The following NR2F1 variants were observed in gnomAD, a reference collection of about 807,000 sequenced individuals.
NR2F1 encodes the protein nuclear receptor subfamily 2 group F member 1.
NR2F1 carries 1 observed loss-of-function variant against 37.7 expected under a neutral mutation model. The observed-to-expected ratio is 0.03, with a 90% CI of 0.01 to 0.13. NR2F1 has a LOEUF of 0.13. Ranked by LOEUF, NR2F1 falls within the 10% of genes least tolerant of loss-of-function variation. The probability of loss-of-function intolerance (pLI) is 1.00; values close to 1 mark genes in which losing one functional copy is unlikely to be tolerated. For synonymous variants in NR2F1, 275 were observed against 259.6 expected, an observed-to-expected ratio of 1.06 and a Z score of -0.57; for missense variants, 268 against 578.4, an observed-to-expected ratio of 0.46 and a Z score of 5.50.
chr5:93,591,518 G>A (rs1266373837), intron 2 of NR2F1, among the ~76,000 whole-genome samples: 3 of 152,176 alleles, frequency 2.0e-5, no homozygotes, highest in Non-Finnish European at 4.4e-5. Flanking sequence ...CCAAAGGAGG[G>A]AAGAAATGGA....
chr5:93,588,669 T>TGCGGCCGGCGG (rs1241372269), intron 2 of NR2F1, among the ~76,000 whole-genome samples: 1 of 149,998 alleles, frequency 6.7e-6, no homozygotes, highest in Admixed American at 6.6e-5. Flanking sequence ...GCGGCGCGGG[T>TGCGGCCGGCGG]GCGGCCGGCG....
At position 93,593,961 on chromosome 5, in the gene NR2F1, AG is replaced by A; in HGVS notation, c.*122del. 1.1e-6 allele frequency: 1 copy of A among 949,146 alleles called. No individual in the cohort carries two copies. The highest frequency in any genetic ancestry group is 1.6e-6 in the Non-Finnish European group (1 of 633,748). 58.8% of individuals were successfully genotyped at this position (949,146 alleles called of 1,614,324 possible). A position where few individuals can be genotyped will look rare whatever the true frequency, so the allele number is the denominator to read the frequency against. ...CAGCGGGCCAGGCAGGCTGGGTGGG[AG>A]GGAGGAGGGCCGAGACAGGAGCAGC... On this transcript the variant is annotated 3_prime_UTR_variant, in exon 3 of 3. Transcript: ENST00000327111. This position sits in a 1 kb window ranked among gnomAD's most constrained non-coding sequence, Gnocchi z 5.6.
intron 1 of NR2F1, 55 bp downstream of exon 1, chr5:93,585,541 T>C: frequency 1.4e-6 from 2 of 1,382,214 alleles, no homozygotes; most frequent in South Asian, 2.5e-5. Flanking sequence ...CCCTGGCTCT[T>C]TCTTTCTTTC....
In NR2F1 at chr5:93,593,531, CT is replaced by C. The variant is rs771561858; in HGVS notation, c.992-30del. On this transcript the variant is annotated intron_variant, in intron 2 of 2. Transcript: ENST00000327111. The surrounding 1 kb of genome is among the most constrained non-coding windows in gnomAD (Gnocchi z 5.6). ...CAGCCTAACCGTGTGCTCCCTTTCCCTGTCTCTCCCTCCTGTGGCTGCTTGG... is the reference window on the plus strand; with the variant it reads ...CAGCCTAACCGTGTGCTCCCTTTCCCGTCTCTCCCTCCTGTGGCTGCTTGG... The C allele has an allele frequency of 1.3e-6, 2 of 1,599,690 alleles. No individual in the cohort carries two copies. Among genetic ancestry groups the C allele is most frequent in the Non-Finnish European group, 1.7e-6 (2 of 1,169,604 alleles).
chr5:93,591,587 G>T (rs1366561481), intron 2 of NR2F1, among the ~76,000 whole-genome samples: 5 of 152,118 alleles, frequency 3.3e-5, no homozygotes, highest in African/African-American at 7.2e-5. Context: ...TCTTGGAGCG[G>T]CCTGTTTGGG....
Position 93,587,969 on chromosome 5 carries a change from A to C in NR2F1, c.516A>C (p.Ala172=). Residue 172 remains alanine, a synonymous_variant, in exon 2 of 3, where the codon GCA becomes GCC. Transcript: ENST00000327111. ...CCCAGCCCAATCCAGGCCAGTACGC[A>C]CTCACCAACGGGGACCCCCTCAACG... ...PPTQPNPGQY[A]LTNGDPLNGH... is the part of the protein sequence containing the mutation. 1 of 1,611,086 alleles carries C rather than the reference A, an allele frequency of 6.2e-7. No homozygotes were observed. Among genetic ancestry groups the C allele is most frequent in the Non-Finnish European group, 8.5e-7 (1 of 1,178,254 alleles).
At position 93,593,528 on chromosome 5, in the gene NR2F1, T is replaced by G; in HGVS notation, c.992-34T>G. ...TGTCAGCCTAACCGTGTGCTCCCTT[T>G]CCCTGTCTCTCCCTCCTGTGGCTGC... is the stretch of plus-strand genomic sequence containing the variant. On this transcript the variant is annotated intron_variant, in intron 2 of 2. Coordinates refer to ENST00000327111, the MANE Select transcript of NR2F1 (RefSeq NM_005654.6). The surrounding 1 kb of genome is among the most constrained non-coding windows in gnomAD (Gnocchi z 5.6). 1 of 1,599,316 alleles carries G rather than the reference T, an allele frequency of 6.3e-7. No homozygotes were observed. The highest frequency in any genetic ancestry group is 8.6e-7 in the Non-Finnish European group (1 of 1,169,204).
intron 2 of NR2F1, 28 bp downstream of exon 2, chr5:93,588,472 G>GCCGCGCCGGCAGCGAGCGCAGGCC: frequency 6.8e-7 from 1 of 1,477,672 alleles, no homozygotes; most frequent in African/African-American, 1.4e-5. Context: ...GGGAGGGCAG[G>GCCGCGCCGGCAGCGAGCGCAGGCC]CCGCGCCGGC....
In NR2F1 at chr5:93,594,121, A is replaced by G. The variant is rs897946409; in HGVS notation, c.*279A>G. The G allele has an allele frequency of 1.2e-4, 50 of 400,658 alleles. No homozygotes were observed. Among genetic ancestry groups the G allele is most frequent in the Non-Finnish European group, 2.0e-4 (45 of 224,686 alleles). 24.8% of individuals were successfully genotyped at this position (400,658 alleles called of 1,614,324 possible). A position where few individuals can be genotyped will look rare whatever the true frequency, so the allele number is the denominator to read the frequency against. ...GAACCTTGTGTCTGTCTGGTGAAAA[A>G]AAGAAAAACAAATTGGAAGAGAGGA... On this transcript the variant is annotated 3_prime_UTR_variant, in exon 3 of 3. Transcript: ENST00000327111.
chr5:93,587,033 C>T (rs1360694160), intron 1 of NR2F1: 1 of 138,234 alleles, frequency 7.2e-6, no homozygotes, highest in African/African-American at 2.7e-5. Context: ...GTAAAACATA[C>T]ACATTTAAAA....
chr5:93,585,553 C>G, intron 1 of NR2F1, 67 bp downstream of exon 1: 14 of 1,350,962 alleles, frequency 1.0e-5, no homozygotes, highest in Non-Finnish European at 1.3e-5. Flanking sequence ...CTTTCTTTCT[C>G]GCCCGGGTGG....
Position 93,588,205 on chromosome 5 carries a change from T to A in NR2F1, c.752T>A (p.Leu251Gln). The A allele has an allele frequency of 6.2e-7, 1 of 1,614,060 alleles. No homozygotes were observed. Among genetic ancestry groups the A allele is most frequent in the Non-Finnish European group, 8.5e-7 (1 of 1,179,984 alleles). The change falls in exon 2 of 3, where the codon CTG (leucine) becomes CAG (glutamine). Residue 251 changes from leucine to glutamine, a missense_variant. Transcript: ENST00000327111. ...PDLQITDQVS[L>Q]LRLTWSELFV... ...CTGCAGATCACCGACCAGGTGTCCC[T>A]GCTACGCCTCACCTGGAGCGAGCTG... is the stretch of plus-strand genomic sequence containing the variant.
rs182751148 is a variant in NR2F1, at chr5:93,593,917, G to A, written c.*75G>A. On this transcript the variant is annotated 3_prime_UTR_variant, in exon 3 of 3. Coordinates refer to ENST00000327111, the MANE Select transcript of NR2F1 (RefSeq NM_005654.6). The surrounding 1 kb of genome is among the most constrained non-coding windows in gnomAD (Gnocchi z 5.6). The stretch of plus-strand genomic sequence containing the variant: ...CACCTGGGCCAAGGACTCCAAAGCC[G>A]CGGGGACACCGGGAAGTGCAGCGGG... 1.9e-5 allele frequency: 28 copies of A among 1,464,810 alleles called. No homozygotes were observed. Among genetic ancestry groups the A allele is most frequent in the East Asian group, 2.3e-5 (1 of 43,730 alleles). The allele number at this position is 1,464,810 out of a possible 1,614,324, so 90.7% of individuals were successfully genotyped here.
At position 93,593,481 on chromosome 5, in the gene NR2F1, G is replaced by T; in HGVS notation, c.992-81G>T. ...CATTTTCTCCTTAAAAAAAATTGAT[G>T]GCTTATTTTGCCTTTGCTATTTGTC... On this transcript the variant is annotated intron_variant, in intron 2 of 2. Coordinates refer to ENST00000327111, the MANE Select transcript of NR2F1 (RefSeq NM_005654.6). This position sits in a 1 kb window ranked among gnomAD's most constrained non-coding sequence, Gnocchi z 5.6. 7.2e-7 allele frequency: 1 copy of T among 1,394,076 alleles called. No individual in the cohort carries two copies. Among genetic ancestry groups the T allele is most frequent in the Non-Finnish European group, 9.8e-7 (1 of 1,023,420 alleles). 86.4% of individuals were successfully genotyped at this position (1,394,076 alleles called of 1,614,324 possible). A position where few individuals can be genotyped will look rare whatever the true frequency, so the allele number is the denominator to read the frequency against.
At chr5:93,588,508 G>T in intron 2 of NR2F1, 64 bp downstream of exon 2, 3 of 1,214,820 alleles carry the variant, frequency 2.5e-6, no homozygotes, top group Non-Finnish European at 3.1e-6. Context: ...CGCGCCGCCC[G>T]GGCCTGGCCT....
At chr5:93,586,045 G>A (rs973567890) in intron 1 of NR2F1, among the ~76,000 whole-genome samples, 1 of 152,114 alleles carries the variant, frequency 6.6e-6, no homozygotes, top group Non-Finnish European at 1.5e-5. Flanking sequence ...AAAAAGAGGA[G>A]TGAGATTTAT....
chr5:93,586,403 T>C (rs1753234662), intron 1 of NR2F1, among the ~76,000 whole-genome samples: 1 of 150,696 alleles, frequency 6.6e-6, no homozygotes, highest in Non-Finnish European at 1.5e-5. Context: ...TATGGGTTTG[T>C]TTTTTTTAAA....
At chr5:93,588,815 C>G (rs1034222813) in intron 2 of NR2F1, among the ~76,000 whole-genome samples, 5 of 151,122 alleles carry the variant, frequency 3.3e-5, no homozygotes, top group Admixed American at 3.3e-4. Context: ...GTGTGTGTCT[C>G]TGTGTGTGTG....
chr5:93,583,308 C>G lies in NR2F1; in HGVS notation c.-1716C>G, dbSNP rs1188625075. 2.0e-5 allele frequency: 3 copies of G among 150,666 alleles called. No homozygotes were observed. In the East Asian group the frequency reaches 5.8e-4, roughly 29 times the overall value. The allele number at this position is 150,666 out of a possible 1,614,324, so 9.3% of individuals were successfully genotyped here. A position where few individuals can be genotyped will look rare whatever the true frequency, so the allele number is the denominator to read the frequency against. On this transcript the variant is annotated 5_prime_UTR_variant, in exon 1 of 3. Coordinates refer to ENST00000327111, the MANE Select transcript of NR2F1 (RefSeq NM_005654.6). ...CTCTCTCTCTCTCTTCTTCTCTTCTCTCTCTCTCTCTCTCTCCTCTCTCTC... is the reference window on the plus strand; with the variant it reads ...CTCTCTCTCTCTCTTCTTCTCTTCTGTCTCTCTCTCTCTCTCCTCTCTCTC...
Sources: allele counts gnomAD v4.1 joint callset (sites outside exome capture counted in the v4.1 genomes callset), GRCh38; gene constraint gnomAD v4.1.1; non-coding constraint Gnocchi (gnomAD v3.1); transcripts MANE v1.5; gene names NCBI Gene and HGNC (gene_info 2026-07-23, HGNC 2026-07-21).